DPP6: variants seen among roughly 807,000 people sequenced by gnomAD.
DPP6 encodes the protein dipeptidyl peptidase like 6, also known as A-type potassium channel modulatory protein DPP6.
In DPP6, 69 loss-of-function variants were observed where a neutral mutation model predicts 122.6. The observed-to-expected ratio is 0.56, with a 90% confidence interval of 0.46 to 0.69. The LOEUF (loss-of-function observed/expected upper bound fraction) is 0.69, where lower values mean the gene tolerates loss of function less well. Among genes scored for constraint, DPP6 ranks in the 30% least tolerant of loss-of-function variants. DPP6 has a pLI of 0.00. For missense variants in DPP6, 928 were observed against 1,116.9 expected (o/e 0.83, Z 2.41); for synonymous variants, 418 against 433.1 (o/e 0.97, Z 0.43).
Position 154,481,345 on chromosome 7 carries a change from G to A in DPP6, c.457+6308G>A, listed in dbSNP as rs113567023. 1.4e-5 allele frequency among the ~76,000 whole-genome samples: 2 copies of A among 143,030 alleles called. No homozygotes were observed. Among genetic ancestry groups the A allele is most frequent in the Non-Finnish European group, 3.1e-5 (2 of 65,090 alleles). 93.8% of individuals were successfully genotyped at this position (143,030 alleles called of 152,430 possible). ...TATACACTTGGAGAGAGAGAGAGAG[G>A]GGTGTGTGTGTGTGTGTGTGTGTGT... is the stretch of plus-strand genomic sequence containing the variant. On this transcript the variant is annotated intron_variant, in intron 3 of 25. Coordinates refer to ENST00000377770, the MANE Select transcript of DPP6 (RefSeq NM_130797.4). The surrounding 1 kb of genome is among the most constrained non-coding windows in gnomAD (Gnocchi z 4.2).
intron 1 of DPP6, among the ~76,000 whole-genome samples, chr7:154,409,646 G>A (rs549312153): frequency 3.9e-4 from 60 of 152,160 alleles, no homozygotes; most frequent in African/African-American, 1.3e-3. Context: ...GTGATTTTTG[G>A]GCACTTTTCT....
At chr7:154,174,872 T>G (rs1271953947) in intron 1 of DPP6, among the ~76,000 whole-genome samples, 2 of 145,614 alleles carry the variant, frequency 1.4e-5, no homozygotes, top group Non-Finnish European at 3.0e-5. Context: ...ATTTCTTTCT[T>G]TCTTTCTTTT....
chr7:154,665,911 G>T (rs929847440), intron 6 of DPP6, among the ~76,000 whole-genome samples: 1 of 151,340 alleles, frequency 6.6e-6, no homozygotes, highest in Non-Finnish European at 1.5e-5. Flanking sequence ...TTACATATTT[G>T]TCCCATTCTA....
At chr7:154,385,002 T>C (rs1283860851) in intron 1 of DPP6, among the ~76,000 whole-genome samples, 1 of 152,036 alleles carries the variant, frequency 6.6e-6, no homozygotes, top group Non-Finnish European at 1.5e-5. Flanking sequence ...TGAGAGGGAG[T>C]CTCGCTCTGT....
Position 154,637,876 on chromosome 7 carries a change from A to G in DPP6, c.680+3A>G, listed in dbSNP as rs763387437. On this transcript the variant is annotated splice_donor_region_variant and intron_variant, in intron 6 of 25. Coordinates refer to ENST00000377770, the MANE Select transcript of DPP6 (RefSeq NM_130797.4). ...GTCCTGAGCAAAATTCCTCATGGGT[A>G]AGAGTGTTCTTTTCTTTCTTTTAAT... 14 of 1,571,016 alleles carry G rather than the reference A, an allele frequency of 8.9e-6. No homozygotes were observed. Among genetic ancestry groups the G allele is most frequent in the South Asian group, 1.2e-5 (1 of 85,124 alleles).
At chr7:154,425,388 T>C (rs2201136) in intron 1 of DPP6, among the ~76,000 whole-genome samples, 134,173 of 152,206 alleles carry the variant, frequency 0.88, 59,410 homozygotes, top group African/African-American at 0.97. Context: ...TCTTTGTAGG[T>C]AATTTGTGCA....
intron 1 of DPP6, among the ~76,000 whole-genome samples, chr7:154,239,946 C>T (rs539340900): frequency 1.2e-4 from 15 of 127,298 alleles, no homozygotes; most frequent in Non-Finnish European, 2.2e-4. Flanking sequence ...AAGCCAAGAT[C>T]GTGCCACTGC....
chr7:154,205,187 A>G (rs1421838593), intron 1 of DPP6, among the ~76,000 whole-genome samples: 1 of 152,016 alleles, frequency 6.6e-6, no homozygotes, highest in African/African-American at 2.4e-5. Context: ...GCAGATTCAC[A>G]TGCACTTACA....
chr7:154,274,697 G>A (rs1804014368), intron 1 of DPP6, among the ~76,000 whole-genome samples: 1 of 152,146 alleles, frequency 6.6e-6, no homozygotes, highest in Admixed American at 6.5e-5. Context: ...CTGCAAGTCT[G>A]TCTATTTTTA....
chr7:154,510,378 A>G (rs900891223), intron 3 of DPP6, among the ~76,000 whole-genome samples: 9 of 152,180 alleles, frequency 5.9e-5, no homozygotes, highest in Admixed American at 3.3e-4. Flanking sequence ...CAAGATGACC[A>G]AGATCCAAGA....
chr7:154,515,370 G>T (rs1319563129), intron 3 of DPP6, among the ~76,000 whole-genome samples: 1 of 152,120 alleles, frequency 6.6e-6, no homozygotes, highest in African/African-American at 2.4e-5. Context: ...CAACAATCAG[G>T]GTCCACCGTG....
At chr7:154,567,575 G>T (rs1830837862) in intron 5 of DPP6, among the ~76,000 whole-genome samples, 1 of 152,146 alleles carries the variant, frequency 6.6e-6, no homozygotes, top group South Asian at 2.1e-4. Flanking sequence ...AAGTTTATTT[G>T]TATAAGTGGA....
At chr7:154,789,985 G>A (rs917059766) in intron 10 of DPP6, among the ~76,000 whole-genome samples, 2 of 152,178 alleles carry the variant, frequency 1.3e-5, no homozygotes, top group Non-Finnish European at 2.9e-5. Flanking sequence ...ATCACTTGAG[G>A]CCAGGAGTTC....
At chr7:154,324,521 C>G (rs528372426) in intron 1 of DPP6, among the ~76,000 whole-genome samples, 1 of 152,330 alleles carries the variant, frequency 6.6e-6, no homozygotes, top group South Asian at 2.1e-4. Context: ...TCTCCCCTCC[C>G]AGGTTCCATC....
chr7:154,055,021 G>C (rs1227050086), intron 1 of DPP6, among the ~76,000 whole-genome samples: 2 of 151,216 alleles, frequency 1.3e-5, no homozygotes, highest in African/African-American at 4.9e-5. Flanking sequence ...ACAAATCAGG[G>C]ATATAACATG....
At chr7:154,753,042 G>A (rs1843475406) in intron 8 of DPP6, among the ~76,000 whole-genome samples, 1 of 152,132 alleles carries the variant, frequency 6.6e-6, no homozygotes, top group South Asian at 2.1e-4. Flanking sequence ...GATTAATCAT[G>A]CCTGAAGGAC....
At chr7:154,227,348 A>G (rs1216491128) in intron 1 of DPP6, among the ~76,000 whole-genome samples, 1 of 152,144 alleles carries the variant, frequency 6.6e-6, no homozygotes, top group Non-Finnish European at 1.5e-5. Context: ...AAAGACAGAT[A>G]TGACATGATT....
chr7:153,880,657 C>T, the DPP6 span, among the ~76,000 whole-genome samples: 1 of 152,190 alleles, frequency 6.6e-6, no homozygotes, highest in Non-Finnish European at 1.5e-5. Flanking sequence ...GAAATTCGGT[C>T]TGTAGCCTAA....
chr7:153,982,622 A>T (rs1796642959), intron 1 of DPP6, among the ~76,000 whole-genome samples: 1 of 151,680 alleles, frequency 6.6e-6, no homozygotes, highest in South Asian at 2.1e-4. Context: ...GAGAAGAGGA[A>T]TTCCGGTTTT....
Sources: gnomAD v4.1 joint callset for allele counts (sites outside exome capture counted in the v4.1 genomes callset) on GRCh38, gnomAD v4.1.1 for gene constraint, Gnocchi (gnomAD v3.1) non-coding constraint, MANE v1.5 for transcripts, NCBI Gene and HGNC (gene_info 2026-07-23, HGNC 2026-07-21) for gene names.